GUCY1A2: variants seen among roughly 807,000 people sequenced by gnomAD.
The protein encoded by GUCY1A2 is guanylate cyclase soluble subunit alpha-2.
Under a neutral mutation model 63.5 loss-of-function variants are expected in GUCY1A2, and 27 were observed. The observed-to-expected ratio is 0.43, with a 90% CI of 0.31 to 0.59. The LOEUF is 0.59. Among genes scored for constraint, GUCY1A2 ranks in the 20% least tolerant of loss-of-function variants. GUCY1A2 has a pLI of 0.11. For synonymous variants in GUCY1A2, 364 were observed against 343.5 expected, an observed-to-expected ratio of 1.06 and a Z score of -0.66; for missense variants, 768 against 913.3, an observed-to-expected ratio of 0.84 and a Z score of 2.05.
At position 106,680,108 on chromosome 11, in the gene GUCY1A2, T is replaced by C; in HGVS notation, c.*7441A>G. 1.4e-5 allele frequency: 3 copies of C among 215,520 alleles called. No individual in the cohort carries two copies. The highest frequency in any genetic ancestry group is 2.8e-5 in the Non-Finnish European group (3 of 106,908). The allele number at this position is 215,520 out of a possible 1,614,324, so 13.4% of individuals were successfully genotyped here. A position where few individuals can be genotyped will look rare whatever the true frequency, so the allele number is the denominator to read the frequency against. On this transcript the variant is annotated 3_prime_UTR_variant, in exon 8 of 8. Coordinates refer to ENST00000526355, the MANE Select transcript of GUCY1A2 (RefSeq NM_000855.3). ...TTCCTGAATAAAAAACTAACTCTCT[T>C]TGCTTCATCTCTTCTAAAGCTCCTG...
At chr11:106,723,271 T>G (rs1863350126) in intron 6 of GUCY1A2, among the ~76,000 whole-genome samples, 1 of 152,232 alleles carries the variant, frequency 6.6e-6, no homozygotes, top group African/African-American at 2.4e-5. Flanking sequence ...TTCTCACTTT[T>G]CAGACCACAG....
intron 4 of GUCY1A2, among the ~76,000 whole-genome samples, chr11:106,868,861 A>G (rs1391800659): frequency 6.6e-6 from 1 of 152,206 alleles, no homozygotes; most frequent in East Asian, 1.9e-4. Flanking sequence ...AAACCATACT[A>G]CAAGGCTACA....
chr11:106,998,412 C>T (rs951200459), intron 1 of GUCY1A2, among the ~76,000 whole-genome samples: 1 of 152,196 alleles, frequency 6.6e-6, no homozygotes, highest in Admixed American at 6.5e-5. Context: ...GTTTAAATAT[C>T]TTGCTCTACC....
intron 4 of GUCY1A2, among the ~76,000 whole-genome samples, chr11:106,882,125 T>G (rs1206523110): frequency 6.6e-6 from 1 of 151,892 alleles, no homozygotes; most frequent in African/African-American, 2.4e-5. Flanking sequence ...TTTTATATAT[T>G]TTGCTGAAGA....
intron 5 of GUCY1A2, among the ~76,000 whole-genome samples, chr11:106,796,001 G>T (rs954424771): frequency 6.6e-6 from 1 of 152,096 alleles, no homozygotes; most frequent in Admixed American, 6.6e-5. Flanking sequence ...CCTGTATTGG[G>T]TGCATATATA....
At chr11:106,895,532 T>C (rs770283903) in intron 4 of GUCY1A2, among the ~76,000 whole-genome samples, 44 of 152,304 alleles carry the variant, frequency 2.9e-4, no homozygotes, top group Non-Finnish European at 3.4e-4. Context: ...CAAGATCTGA[T>C]GGCTTTATAA....
intron 7 of GUCY1A2, among the ~76,000 whole-genome samples, chr11:106,698,526 A>G (rs1350591500): frequency 6.6e-6 from 1 of 152,212 alleles, no homozygotes; most frequent in Non-Finnish European, 1.5e-5. Flanking sequence ...AAAGATATAT[A>G]GTATAGTTCT....
At chr11:106,813,071 G>A (rs1218681466) in intron 4 of GUCY1A2, among the ~76,000 whole-genome samples, 2 of 151,802 alleles carry the variant, frequency 1.3e-5, no homozygotes, top group African/African-American at 2.4e-5. Context: ...TTAGCAATAA[G>A]CAAAACTATT....
chr11:106,883,069 T>G (rs1031433491), intron 4 of GUCY1A2, among the ~76,000 whole-genome samples: 2 of 152,092 alleles, frequency 1.3e-5, no homozygotes, highest in Non-Finnish European at 2.9e-5. Flanking sequence ...TATTTGCCTT[T>G]GATATTACAC....
chr11:106,914,100 C>A (rs1424258879), intron 4 of GUCY1A2, among the ~76,000 whole-genome samples: 1 of 151,028 alleles, frequency 6.6e-6, no homozygotes, highest in South Asian at 2.1e-4. Flanking sequence ...AAAGCAAAAT[C>A]TATTTGTAGG....
chr11:106,813,157 T>G (rs563820784), intron 4 of GUCY1A2, among the ~76,000 whole-genome samples: 1 of 152,158 alleles, frequency 6.6e-6, no homozygotes, highest in African/African-American at 2.4e-5. Context: ...AAGGTTTTAT[T>G]GCATCTTACA....
rs562207638 is a variant in GUCY1A2, at chr11:106,916,751, A to G, written c.1206+22709T>C. Among the ~76,000 whole-genome samples the G allele has an allele frequency of 8.0e-4, 116 of 145,780 alleles. 14 individuals are homozygous for G. The highest frequency in any genetic ancestry group is 3.7e-3 in the Admixed American group (54 of 14,634). ...GTAAACTGACTCGTTGGTTCAGTCC[A>G]GATATATCTTGATTACTGACATCAT... On this transcript the variant is annotated intron_variant, in intron 4 of 7. Transcript: ENST00000526355.
rs999087028 is a variant in GUCY1A2 at position 106,778,663 on chromosome 11, C to CA, written c.1693-2082dup. On this transcript the variant is annotated intron_variant, in intron 5 of 7. Coordinates refer to ENST00000526355, the MANE Select transcript of GUCY1A2 (RefSeq NM_000855.3). ...GCAACACAGCGAGACTCCATCATCT[C>CA]AAAAAAAAAAGAAATGGGACTATGT... Among the ~76,000 whole-genome samples the CA allele has an allele frequency of 3.9e-4, 56 of 144,432 alleles. 2 individuals carry two copies. The highest frequency in any genetic ancestry group is 3.6e-3 in the Middle Eastern group (1 of 278). The allele number at this position is 144,432 out of a possible 152,430, so 94.8% of individuals were successfully genotyped here. A position where few individuals can be genotyped will look rare whatever the true frequency, so the allele number is the denominator to read the frequency against.
intron 7 of GUCY1A2, among the ~76,000 whole-genome samples, chr11:106,693,128 G>A (rs1372614721): frequency 1.3e-5 from 2 of 152,140 alleles, no homozygotes; most frequent in African/African-American, 4.8e-5. Context: ...CTCACCAAGC[G>A]ATACTTGAAG....
intron 5 of GUCY1A2, among the ~76,000 whole-genome samples, chr11:106,802,767 ACTT>A (rs1483067021): frequency 5.9e-5 from 9 of 152,148 alleles, no homozygotes; most frequent in Non-Finnish European, 8.8e-5. Context: ...AGCTCAAGTC[ACTT>A]CTTCTTATAA....
At chr11:106,847,973 G>A (rs1003946024) in intron 4 of GUCY1A2, among the ~76,000 whole-genome samples, 2 of 151,554 alleles carry the variant, frequency 1.3e-5, no homozygotes, top group Non-Finnish European at 3.0e-5. Context: ...TGCAATAAGA[G>A]TGCAAAACAC....
chr11:106,690,520 G>C (rs1360002228), intron 7 of GUCY1A2, among the ~76,000 whole-genome samples: 1 of 152,126 alleles, frequency 6.6e-6, no homozygotes, highest in Non-Finnish European at 1.5e-5. Context: ...GGAGCCTTTT[G>C]GAGGGTGGAG....
intron 5 of GUCY1A2, among the ~76,000 whole-genome samples, chr11:106,807,581 A>G (rs1157673476): frequency 6.6e-6 from 1 of 152,184 alleles, no homozygotes; most frequent in East Asian, 1.9e-4. Flanking sequence ...TCCTAGATAC[A>G]TGTACTTACT....
At chr11:106,922,131 G>A (rs989541442) in intron 4 of GUCY1A2, among the ~76,000 whole-genome samples, 4 of 152,132 alleles carry the variant, frequency 2.6e-5, no homozygotes, top group East Asian at 3.8e-4. Flanking sequence ...ATCAGCAGAC[G>A]AGGGTGCTAG....
Sources: gnomAD v4.1 joint callset for allele counts (sites outside exome capture counted in the v4.1 genomes callset) on GRCh38, gnomAD v4.1.1 for gene constraint, MANE v1.5 for transcripts, NCBI Gene and HGNC (gene_info 2026-07-23, HGNC 2026-07-21) for gene names.